The following ALPK1 variants were observed in gnomAD, a reference collection of about 807,000 sequenced individuals.
The protein encoded by ALPK1 is alpha-protein kinase 1.
In ALPK1, 110 loss-of-function variants were observed where a neutral mutation model predicts 120.6. The ratio of observed to expected loss-of-function variants is 0.91; its 90% CI spans 0.78 to 1.07. The LOEUF (loss-of-function observed/expected upper bound fraction) is 1.07. Among genes scored for constraint, ALPK1 ranks in the 50% least tolerant of loss-of-function variants. The pLI is 0.00. For missense variants in ALPK1, 1,498 were observed against 1,483.9 expected (o/e 1.01, Z -0.16); for synonymous variants, 582 against 560.3 (o/e 1.04, Z -0.55).
intron 1 of ALPK1, among the ~76,000 whole-genome samples, chr4:112,309,410 C>A (rs1267638266): frequency 1.3e-5 from 2 of 152,184 alleles, no homozygotes; most frequent in African/African-American, 4.8e-5. Context: ...TTTGAGCTTC[C>A]AGGCTGCTTT....
intron 2 of ALPK1, among the ~76,000 whole-genome samples, chr4:112,353,868 C>CAAATAAATAAATAAAT (rs150299871): frequency 2.6e-4 from 38 of 148,812 alleles, no homozygotes; most frequent in African/African-American, 8.6e-4. Flanking sequence ...GACTCTGTCT[C>CAAATAAATAAATAAAT]AAATAAATAA....
At chr4:112,438,918 G>GA (rs1734906760) in intron 13 of ALPK1, among the ~76,000 whole-genome samples, 1 of 152,110 alleles carries the variant, frequency 6.6e-6, no homozygotes, top group South Asian at 2.1e-4. Context: ...CCTTCAGCAA[G>GA]AAAAAATAAT....
intron 4 of ALPK1, among the ~76,000 whole-genome samples, chr4:112,406,026 G>T (rs1358155597): frequency 1.3e-5 from 2 of 152,142 alleles, no homozygotes; most frequent in Non-Finnish European, 2.9e-5. Flanking sequence ...TGCACTCTTG[G>T]TGGGCTTGTA....
chr4:112,438,435 A>G, intron 12 of ALPK1, 49 bp from the exon 13 acceptor site: 1 of 1,571,206 alleles, frequency 6.4e-7, no homozygotes, highest in Non-Finnish European at 8.7e-7. Flanking sequence ...ACTCCATAGT[A>G]AGTAAGACCA....
intron 2 of ALPK1, among the ~76,000 whole-genome samples, chr4:112,321,063 A>AT (rs1213872420): frequency 1.3e-5 from 2 of 151,348 alleles, no homozygotes; most frequent in African/African-American, 4.9e-5. Context: ...CGCCCGGCTA[A>AT]TTTTTTTGTA....
chr4:112,384,855 C>T (rs963910330), intron 4 of ALPK1: 1 of 152,190 alleles, frequency 6.6e-6, no homozygotes, highest in African/African-American at 2.4e-5. Flanking sequence ...AATCTCTTTT[C>T]CATCAATTCT....
chr4:112,411,896 C>T lies in ALPK1; in HGVS notation c.346C>T (p.Arg116Trp). Residue 116 changes from arginine (R) to tryptophan (W), a missense_variant, in exon 5 of 16, where the codon CGG (arginine) becomes TGG (tryptophan). Physicochemically the swap from Arg to Trp is moderately radical, Grantham distance 101. Coordinates refer to ENST00000650871, the MANE Select transcript of ALPK1 (RefSeq NM_025144.4). Reference protein sequence around the residue: ...AAAAIVFLVDRFLYGLDVSGK... With the variant: ...AAAAIVFLVDWFLYGLDVSGK... ...GGCGGCTATTGTGTTCTTGGTGGAC[C>T]GGTTCCTGTATGGGCTCGACGTCTC... 4 of 1,614,088 alleles carry T rather than the reference C, an allele frequency of 2.5e-6. No individual in the cohort carries two copies. Among genetic ancestry groups the T allele is most frequent in the Non-Finnish European group, 3.4e-6 (4 of 1,180,018 alleles).
chr4:112,428,008 T>G (rs934614196), intron 9 of ALPK1: 1 of 192,732 alleles, frequency 5.2e-6, no homozygotes, highest in Non-Finnish European at 1.1e-5. Flanking sequence ...AAAGGGGTAA[T>G]AATTTTAAAA....
chr4:112,424,207 A>C (rs1395312093), intron 6 of ALPK1, among the ~76,000 whole-genome samples: 7 of 151,770 alleles, frequency 4.6e-5, no homozygotes, highest in Admixed American at 3.9e-4. Flanking sequence ...TTAAAAAAAA[A>C]AACAACAAAG....
chr4:112,381,265 A>C (rs1163306964), intron 3 of ALPK1, among the ~76,000 whole-genome samples: 10 of 152,178 alleles, frequency 6.6e-5, no homozygotes, highest in Non-Finnish European at 7.3e-5. Flanking sequence ...GAGAGAACAC[A>C]AAGTCTAGAC....
intron 2 of ALPK1, among the ~76,000 whole-genome samples, chr4:112,362,043 G>A (rs1440333242): frequency 1.3e-5 from 2 of 152,214 alleles, no homozygotes; most frequent in Non-Finnish European, 2.9e-5. Flanking sequence ...AAGGGGGAGA[G>A]CCTCACATCA....
chr4:112,420,017 C>A (rs1171334259), intron 5 of ALPK1, among the ~76,000 whole-genome samples: 1 of 152,176 alleles, frequency 6.6e-6, no homozygotes, highest in Non-Finnish European at 1.5e-5. Context: ...ATTCCATCTC[C>A]AGCTCTTAGC....
chr4:112,353,802 A>C (rs1001592985), intron 2 of ALPK1, among the ~76,000 whole-genome samples: 2 of 152,064 alleles, frequency 1.3e-5, no homozygotes, highest in Admixed American at 6.6e-5. Context: ...CTAGGAGGTG[A>C]AGGTTTCAGT....
intron 2 of ALPK1, among the ~76,000 whole-genome samples, chr4:112,341,589 T>C (rs960177673): frequency 6.6e-6 from 1 of 152,192 alleles, no homozygotes; most frequent in African/African-American, 2.4e-5. Flanking sequence ...TTAAATTTAT[T>C]GATCTTCTCC....
intron 4 of ALPK1, among the ~76,000 whole-genome samples, chr4:112,402,228 C>G (rs893894715): frequency 6.6e-6 from 1 of 152,182 alleles, no homozygotes; most frequent in African/African-American, 2.4e-5. Context: ...CTGCTCCTGC[C>G]AATTGCAGTG....
At chr4:112,393,560 T>C (rs569165334) in intron 4 of ALPK1, among the ~76,000 whole-genome samples, 1 of 152,248 alleles carries the variant, frequency 6.6e-6, no homozygotes, top group East Asian at 1.9e-4. Context: ...TTCTTTACAA[T>C]AAACATTGCT....
intron 2 of ALPK1, among the ~76,000 whole-genome samples, chr4:112,369,902 T>A (rs536938834): frequency 9.2e-5 from 14 of 152,346 alleles, no homozygotes; most frequent in Admixed American, 2.6e-4. Flanking sequence ...TCTAATTATA[T>A]TGTAAATTCC....
chr4:112,408,364 G>C (rs1474826180), intron 4 of ALPK1, among the ~76,000 whole-genome samples: 1 of 152,180 alleles, frequency 6.6e-6, no homozygotes, highest in East Asian at 1.9e-4. Context: ...AGCACAGGAA[G>C]GACTGGCCTT....
intron 4 of ALPK1, among the ~76,000 whole-genome samples, chr4:112,409,738 C>T (rs998458141): frequency 1.3e-5 from 2 of 152,188 alleles, no homozygotes; most frequent in Non-Finnish European, 2.9e-5. Context: ...AGATTAGTCA[C>T]TCCACCCCTC....
Sources: allele counts gnomAD v4.1 joint callset (sites outside exome capture counted in the v4.1 genomes callset), GRCh38; gene constraint gnomAD v4.1.1; transcripts MANE v1.5; gene names NCBI Gene and HGNC (gene_info 2026-07-23, HGNC 2026-07-21).